Variants in PCDH15 observed in about 807,000 individuals in gnomAD.
The protein encoded by PCDH15 is protocadherin related 15, also known as protocadherin-15.
PCDH15 carries 129 observed loss-of-function variants against 178.5 expected under a neutral mutation model. That is an observed-to-expected ratio of 0.72 (90% CI 0.63 to 0.84). The LOEUF (loss-of-function observed/expected upper bound fraction) is 0.84. PCDH15 is among the 40% of genes least tolerant of loss of function. PCDH15 has a pLI of 0.00. For missense variants in PCDH15, 2,230 were observed against 2,099.9 expected, an observed-to-expected ratio of 1.06 and a Z score of -1.21; for synonymous variants, 800 against 732.0, an observed-to-expected ratio of 1.09 and a Z score of -1.50.
At chr10:54,567,640 C>T (rs1230741074) in intron 2 of PCDH15, among the ~76,000 whole-genome samples, 8 of 152,074 alleles carry the variant, frequency 5.3e-5, no homozygotes, top group Non-Finnish European at 1.2e-4. Context: ...AGTTCAAGAT[C>T]TCTATGCTCT....
chr10:54,987,224 C>T (rs183517792), intron 2 of PCDH15, among the ~76,000 whole-genome samples: 50 of 152,250 alleles, frequency 3.3e-4, no homozygotes, highest in African/African-American at 1.2e-3. Flanking sequence ...CATAGTATTC[C>T]ATGGGGTGTA....
chr10:54,931,295 AT>A (rs1217848688), intron 2 of PCDH15, among the ~76,000 whole-genome samples: 2 of 152,182 alleles, frequency 1.3e-5, no homozygotes, highest in Non-Finnish European at 2.9e-5. Context: ...CAAATAAATC[AT>A]TGTGTGACTT....
chr10:55,598,000 C>T (rs1842969162), intron 2 of PCDH15, among the ~76,000 whole-genome samples: 2 of 152,088 alleles, frequency 1.3e-5, no homozygotes, highest in Admixed American at 1.3e-4. Flanking sequence ...AAGGAGGTAT[C>T]AAGCACGCAT....
intron 13 of PCDH15, among the ~76,000 whole-genome samples, chr10:54,179,488 G>A (rs1260335286): frequency 2.0e-5 from 3 of 151,586 alleles, no homozygotes; most frequent in Non-Finnish European, 4.4e-5. Flanking sequence ...GTTATTGGGT[G>A]CAGCACACCA....
rs368860904 is a variant in PCDH15 at position 55,030,184 on chromosome 10, A to C, written c.-79-132684T>G. ...ATGTAGGCAGGTGGTGTAAATTAGA[A>C]GTTGGGTGCCAACATGTGCCTCTCT... is the stretch of plus-strand genomic sequence containing the variant. On this transcript the variant is annotated intron_variant, in intron 2 of 5. Coordinates refer to the PCDH15 transcript ENST00000458638. 2.1e-4 allele frequency among the ~76,000 whole-genome samples: 32 copies of C among 152,256 alleles called. No individual in the cohort carries two copies. In the East Asian group the frequency reaches 3.9e-3, roughly 18 times the overall value.
At chr10:55,140,207 T>G (rs1333288057) in intron 2 of PCDH15, among the ~76,000 whole-genome samples, 3 of 151,964 alleles carry the variant, frequency 2.0e-5, no homozygotes, top group African/African-American at 7.2e-5. Flanking sequence ...TATAAATACA[T>G]ATCATCTGCA....
intron 6 of PCDH15, among the ~76,000 whole-genome samples, chr10:54,345,168 T>C (rs1419366339): frequency 2.6e-5 from 4 of 151,848 alleles, no homozygotes; most frequent in East Asian, 3.9e-4. Flanking sequence ...ATAATACTAC[T>C]TTTAACTGAT....
Position 55,291,214 on chromosome 10 carries a change from G to T in PCDH15, c.-156+28385C>A, listed in dbSNP as rs143647507. 3.7e-3 allele frequency among the ~76,000 whole-genome samples: 567 copies of T among 152,148 alleles called. 2 individuals carry two copies. Among genetic ancestry groups the T allele is most frequent in the Middle Eastern group, 0.017 (5 of 294 alleles). On this transcript the variant is annotated intron_variant, in intron 1 of 5. Coordinates refer to the PCDH15 transcript ENST00000458638. ...TCATTTCATTAACTTCCCTACAGGA[G>T]AAAGTTAAGAAAATCTGAGAAAAGC... is the stretch of plus-strand genomic sequence containing the variant.
chr10:55,491,329 G>A (rs556489937), intron 2 of PCDH15, among the ~76,000 whole-genome samples: 112 of 151,810 alleles, frequency 7.4e-4, no homozygotes, highest in South Asian at 3.5e-3. Flanking sequence ...CTGGTAGAAA[G>A]GACTGGGTCT....
chr10:54,647,325 G>A (rs936323655), intron 2 of PCDH15, among the ~76,000 whole-genome samples: 2 of 152,022 alleles, frequency 1.3e-5, no homozygotes, highest in Non-Finnish European at 2.9e-5. Context: ...GAATAGACTG[G>A]TGCCAGGGGA....
At chr10:55,515,779 A>T (rs748239386) in intron 2 of PCDH15, among the ~76,000 whole-genome samples, 48 of 152,266 alleles carry the variant, frequency 3.2e-4, no homozygotes, top group Admixed American at 9.8e-4. Context: ...CCTTATTCTA[A>T]TGTGGCTACT....
chr10:54,770,014 A>G (rs1948916571), intron 1 of PCDH15, among the ~76,000 whole-genome samples: 1 of 152,136 alleles, frequency 6.6e-6, no homozygotes, highest in Admixed American at 6.6e-5. Flanking sequence ...AAAATTAAAA[A>G]TTTACTTCTT....
At chr10:54,574,300 T>A (rs1398740829) in intron 2 of PCDH15, among the ~76,000 whole-genome samples, 2 of 151,016 alleles carry the variant, frequency 1.3e-5, no homozygotes, top group East Asian at 3.9e-4. Flanking sequence ...CCCCATTGCT[T>A]GTTTTTCTCA....
In PCDH15 at chr10:54,753,878, T is replaced by TG. The variant is rs573767127; in HGVS notation, c.-29+47046_-29+47047insC. Among the ~76,000 whole-genome samples, 566 of 60,596 alleles carry TG rather than the reference T, an allele frequency of 9.3e-3. 2 individuals are homozygous for TG. The highest frequency in any genetic ancestry group is 0.011 in the African/African-American group (181 of 17,114). The allele number at this position is 60,596 out of a possible 152,430, so 39.8% of individuals were successfully genotyped here. A position where few individuals can be genotyped will look rare whatever the true frequency, so the allele number is the denominator to read the frequency against. On this transcript the variant is annotated intron_variant, in intron 1 of 37. Coordinates refer to ENST00000644397, the MANE Select transcript of PCDH15 (RefSeq NM_001384140.1). Reference sequence around the variant, plus strand: ...TCTATTGTTTTTTTTTTGTTGTTGTTTTTTTGTTTGTTTGTGTTTTTTTTT... The same window carrying TG: ...TCTATTGTTTTTTTTTTGTTGTTGTTGTTTTTGTTTGTTTGTGTTTTTTTTT...
intron 2 of PCDH15, among the ~76,000 whole-genome samples, chr10:55,069,827 G>C (rs1224864488): frequency 6.6e-6 from 1 of 150,812 alleles, no homozygotes; most frequent in African/African-American, 2.4e-5. Flanking sequence ...GGTATTTCTA[G>C]TTCTAGATCC....
chr10:53,867,835 C>A (rs2079558854), intron 26 of PCDH15, among the ~76,000 whole-genome samples: 1 of 152,050 alleles, frequency 6.6e-6, no homozygotes, highest in African/African-American at 2.4e-5. Context: ...AATGCCATAA[C>A]ATAATTCTCT....
At position 55,060,047 on chromosome 10, in the gene PCDH15, A is replaced by G. The variant is rs552128171; in HGVS notation, c.-80+106529T>C. Among the ~76,000 whole-genome samples, 7 of 152,214 alleles carry G rather than the reference A, an allele frequency of 4.6e-5. No homozygotes were observed. The South Asian group carries it at 1.4e-3, about 32-fold the overall frequency. ...TCCTGATTACATATTCCCACTGTTC[A>G]GCTCTACTGCAGATTGTATCACCAT... On this transcript the variant is annotated intron_variant, in intron 2 of 5. Coordinates refer to the PCDH15 transcript ENST00000458638.
At chr10:55,286,326 C>T (rs763357311) in intron 1 of PCDH15, among the ~76,000 whole-genome samples, 20 of 151,682 alleles carry the variant, frequency 1.3e-4, no homozygotes, top group Non-Finnish European at 8.8e-5. Flanking sequence ...TACTGTCAGT[C>T]CCCTTACAAA....
intron 3 of PCDH15, among the ~76,000 whole-genome samples, chr10:54,405,191 A>G (rs148370483): frequency 6.6e-6 from 1 of 152,216 alleles, no homozygotes; most frequent in African/African-American, 2.4e-5. Flanking sequence ...TATCACAAAG[A>G]TACATGCATG....
Sources: allele counts gnomAD v4.1 joint callset (sites outside exome capture counted in the v4.1 genomes callset), GRCh38; gene constraint gnomAD v4.1.1; transcripts MANE v1.5; gene names NCBI Gene and HGNC (gene_info 2026-07-23, HGNC 2026-07-21).